CLIP1: variants seen among roughly 807,000 people sequenced by gnomAD.
The protein encoded by CLIP1 is CAP-Gly domain-containing linker protein 1.
Under a neutral mutation model 161.6 loss-of-function variants are expected in CLIP1, and 66 were observed. The ratio of observed to expected loss-of-function variants is 0.41; its 90% CI spans 0.33 to 0.50. The LOEUF (loss-of-function observed/expected upper bound fraction) is 0.50, where lower values mean the gene tolerates loss of function less well. Ranked by LOEUF, CLIP1 falls within the 20% of genes least tolerant of loss-of-function variation. CLIP1 has a pLI of 0.27. For synonymous variants in CLIP1, 598 were observed against 626.2 expected (o/e 0.96, Z 0.67); for missense variants, 1,376 against 1,702.0 (o/e 0.81, Z 3.37).
At chr12:122,325,933 G>A (rs190375588) in intron 17 of CLIP1, among the ~76,000 whole-genome samples, 3 of 152,282 alleles carry the variant, frequency 2.0e-5, no homozygotes, top group Admixed American at 2.0e-4. Flanking sequence ...GATTACAGGC[G>A]TGAGCCACCA....
chr12:122,356,992 C>T (rs544987518), intron 5 of CLIP1, among the ~76,000 whole-genome samples: 1 of 152,270 alleles, frequency 6.6e-6, no homozygotes, highest in African/African-American at 2.4e-5. Flanking sequence ...TCGCTACAAC[C>T]TCCACCTCCC....
chr12:122,401,364 T>C (rs1956135387), intron 1 of CLIP1, among the ~76,000 whole-genome samples: 1 of 152,090 alleles, frequency 6.6e-6, no homozygotes. Context: ...TCTCTAATTA[T>C]TAATGAACAA....
chr12:122,377,254 C>A (rs1380357400), intron 3 of CLIP1, 135 bp downstream of exon 3: 5 of 734,756 alleles, frequency 6.8e-6, no homozygotes, highest in African/African-American at 5.3e-5. Context: ...GTGATCCACC[C>A]GCCTCAGCCT....
At chr12:122,309,693 T>C in intron 20 of CLIP1, 69 bp downstream of exon 20, 1 of 1,594,012 alleles carries the variant, frequency 6.3e-7, no homozygotes, top group Non-Finnish European at 8.6e-7. Context: ...GAGTGGCCTC[T>C]GAGCGTGCTG....
At chr12:122,420,240 GA>G (rs1248993125) in intron 1 of CLIP1, among the ~76,000 whole-genome samples, 1 of 151,764 alleles carries the variant, frequency 6.6e-6, no homozygotes, top group Non-Finnish European at 1.5e-5. Context: ...AGCTACTCGG[GA>G]AGCTGAGGCA....
chr12:122,301,759 G>A (rs1035973321), intron 20 of CLIP1, among the ~76,000 whole-genome samples: 2 of 152,170 alleles, frequency 1.3e-5, no homozygotes, highest in Non-Finnish European at 2.9e-5. Context: ...TGGATTTAAC[G>A]CTCATGACCA....
At position 122,327,935 on chromosome 12, in the gene CLIP1, C is replaced by T. The variant is rs748629527; in HGVS notation, c.3249+12G>A. The stretch of plus-strand genomic sequence containing the variant: ...AAGCTACAACACAAGGAAATTCTCT[C>T]GCGTCACGTACTTTGGCTTTGTCGG... On this transcript the variant is annotated intron_variant, in intron 17 of 25. Transcript: ENST00000620786. 1.6e-5 allele frequency: 26 copies of T among 1,612,328 alleles called. No individual in the cohort carries two copies. The highest frequency in any genetic ancestry group is 2.2e-5 in the East Asian group (1 of 44,838).
At chr12:122,347,529 T>C in intron 9 of CLIP1, 50 bp from the exon 10 acceptor site, 1 of 1,404,510 alleles carries the variant, frequency 7.1e-7, no homozygotes. Context: ...CACCATGACA[T>C]GCCAGCACGA....
At chr12:122,407,640 G>C (rs917154130) in intron 1 of CLIP1, among the ~76,000 whole-genome samples, 8 of 148,270 alleles carry the variant, frequency 5.4e-5, no homozygotes, top group Admixed American at 2.8e-4. Context: ...TGAAGCTGCA[G>C]TGAGCTGTGA....
intron 18 of CLIP1, among the ~76,000 whole-genome samples, chr12:122,317,464 C>A (rs57618569): frequency 2.6e-5 from 4 of 151,944 alleles, no homozygotes; most frequent in Non-Finnish European, 5.9e-5. Flanking sequence ...CATTGGCCCA[C>A]GGGGATGCAG....
intron 1 of CLIP1, among the ~76,000 whole-genome samples, chr12:122,408,676 C>T (rs1237964597): frequency 6.6e-6 from 1 of 151,822 alleles, no homozygotes; most frequent in Non-Finnish European, 1.5e-5. Context: ...CTATGTTGCC[C>T]AGGCTGGTCT....
At chr12:122,373,423 CA>C (rs200479478) in intron 3 of CLIP1, among the ~76,000 whole-genome samples, 2 of 114,038 alleles carry the variant, frequency 1.8e-5, no homozygotes, top group Admixed American at 9.9e-5. Context: ...GACTCTGTCT[CA>C]AAAAAAAGAA....
chr12:122,388,455 A>C (rs1955428912), intron 1 of CLIP1, among the ~76,000 whole-genome samples: 1 of 151,988 alleles, frequency 6.6e-6, no homozygotes, highest in African/African-American at 2.4e-5. Context: ...TCCTGACCTC[A>C]TGATCTGCCT....
At chr12:122,285,031 G>A (rs1478069870) in intron 21 of CLIP1, among the ~76,000 whole-genome samples, 1 of 152,220 alleles carries the variant, frequency 6.6e-6, no homozygotes, top group East Asian at 1.9e-4. Flanking sequence ...GTGCACTACA[G>A]CACTGAATAC....
chr12:122,354,284 ACTTGGGAGG>A (rs2136471742), intron 7 of CLIP1, among the ~76,000 whole-genome samples, 160 bp downstream of exon 7: 1 of 152,154 alleles, frequency 6.6e-6, no homozygotes, highest in Non-Finnish European at 1.5e-5. Context: ...GGTCCCAGCT[ACTTGGGAGG>A]CTGAGGCAGG....
chr12:122,294,366 G>C (rs1268821370), intron 20 of CLIP1, among the ~76,000 whole-genome samples: 1 of 148,946 alleles, frequency 6.7e-6, no homozygotes, highest in Non-Finnish European at 1.5e-5. Flanking sequence ...CCCCAAACTG[G>C]AACAACCCAC....
chr12:122,274,193 G>A (rs988813658), intron 24 of CLIP1, 31 bp from the exon 25 acceptor site: 31 of 1,545,606 alleles, frequency 2.0e-5, no homozygotes, highest in Non-Finnish European at 2.5e-5. Context: ...TGTGTAAAAT[G>A]TCAAGAATAT....
At position 122,334,038 on chromosome 12, in the gene CLIP1, T is replaced by C. The variant is rs1413043054; in HGVS notation, c.2699A>G (p.Glu900Gly). The stretch of plus-strand genomic sequence containing the variant: ...AGATGTCTTCTTACCTGCTAAGTTT[T>C]CTCTCAGCTTCTCCAAGTCAGAAGA... The part of the protein sequence containing the change: ...MLSSDLEKLR[E>G]NLADMEAKFR... The change falls in exon 14 of 26, where the codon GAA becomes GGA. Residue 900 changes from glutamate (E) to glycine (G), a missense_variant. Transcript: ENST00000620786. 1 of 1,610,000 alleles carries C rather than the reference T, an allele frequency of 6.2e-7. No individual in the cohort carries two copies. The highest frequency in any genetic ancestry group is 1.1e-5 in the South Asian group (1 of 90,962).
chr12:122,393,337 T>A (rs2136995695), intron 1 of CLIP1, among the ~76,000 whole-genome samples: 1 of 151,972 alleles, frequency 6.6e-6, no homozygotes, highest in South Asian at 2.1e-4. Context: ...ATTTTTTGTA[T>A]TTTTAGTAGA....
Sources: gnomAD v4.1 joint callset for allele counts (sites outside exome capture counted in the v4.1 genomes callset) on GRCh38, gnomAD v4.1.1 for gene constraint, MANE v1.5 for transcripts, NCBI Gene and HGNC (gene_info 2026-07-23, HGNC 2026-07-21) for gene names.